The following MPPED2 variants were observed in gnomAD, a reference collection of about 807,000 sequenced individuals.
MPPED2 encodes the protein metallophosphoesterase domain containing 2, also known as metallophosphoesterase MPPED2.
In MPPED2, 5 loss-of-function variants were observed where a neutral mutation model predicts 33.0. That is an observed-to-expected ratio of 0.15 (90% CI 0.08 to 0.32). The LOEUF is 0.32. Among genes scored for constraint, MPPED2 ranks in the 10% least tolerant of loss-of-function variants. The pLI is 1.00. For missense variants in MPPED2, 275 were observed against 372.1 expected, an observed-to-expected ratio of 0.74 and a Z score of 2.15; for synonymous variants, 136 against 141.9, an observed-to-expected ratio of 0.96 and a Z score of 0.29.
At chr11:30,530,701 C>T (rs746431517) in intron 3 of MPPED2, among the ~76,000 whole-genome samples, 3 of 152,166 alleles carry the variant, frequency 2.0e-5, no homozygotes, top group African/African-American at 7.2e-5. Flanking sequence ...TGCAATCAAA[C>T]GATGAGATCT....
chr11:30,436,053 T>A (rs1287557998), intron 4 of MPPED2, among the ~76,000 whole-genome samples: 2 of 78,540 alleles, frequency 2.5e-5, no homozygotes, highest in African/African-American at 7.9e-5. Flanking sequence ...TTAGCATCTT[T>A]TTTTTTTTTT....
rs1422023984 is a variant in MPPED2, at chr11:30,386,856, G to T, written c.*2033C>A. The stretch of plus-strand genomic sequence containing the variant: ...AATAGCAATAGCAAAAGCAATAGTA[G>T]TAGTAGTAGTAATAATAATAGCCAA... On this transcript the variant is annotated 3_prime_UTR_variant, in exon 7 of 7. Coordinates refer to the MPPED2 transcript ENST00000448418. The T allele has an allele frequency of 1.5e-5, 6 of 398,336 alleles. No individual in the cohort carries two copies. The East Asian group carries it at 2.1e-4, about 14-fold the overall frequency. 24.7% of individuals were successfully genotyped at this position (398,336 alleles called of 1,614,324 possible).
chr11:30,581,795 T>C (rs988841124), intron 1 of MPPED2, among the ~76,000 whole-genome samples: 3 of 152,180 alleles, frequency 2.0e-5, no homozygotes, highest in Admixed American at 1.3e-4. Flanking sequence ...TTCTTCATAT[T>C]AGCAAAGCAA....
intron 3 of MPPED2, among the ~76,000 whole-genome samples, chr11:30,517,396 C>T (rs1392901279): frequency 6.6e-6 from 1 of 152,108 alleles, no homozygotes; most frequent in African/African-American, 2.4e-5. Context: ...ATCACAAGCA[C>T]AAAATTTTTA....
chr11:30,432,168 CA>C (rs34934978), intron 4 of MPPED2, among the ~76,000 whole-genome samples: 61,981 of 141,906 alleles, frequency 0.44, 12,696 homozygotes, highest in African/African-American at 0.46. Flanking sequence ...GATTCTGTCT[CA>C]AAAAAAAAAA....
chr11:30,548,919 A>G (rs1167141457), intron 2 of MPPED2, among the ~76,000 whole-genome samples: 1 of 152,192 alleles, frequency 6.6e-6, no homozygotes, highest in African/African-American at 2.4e-5. Context: ...ACTAAAGCCA[A>G]ATAGGAATGC....
At chr11:30,479,197 G>A (rs1230446421) in intron 4 of MPPED2, among the ~76,000 whole-genome samples, 1 of 151,996 alleles carries the variant, frequency 6.6e-6, no homozygotes, top group Non-Finnish European at 1.5e-5. Context: ...CAATCAGAGA[G>A]CTCTTTCCCA....
intron 6 of MPPED2, among the ~76,000 whole-genome samples, chr11:30,400,426 A>C (rs1947894099): frequency 6.6e-6 from 1 of 152,204 alleles, no homozygotes; most frequent in South Asian, 2.1e-4. Context: ...AAAATACCCT[A>C]AAACTGTAGG....
At chr11:30,560,138 C>A (rs1406899317) in intron 2 of MPPED2, among the ~76,000 whole-genome samples, 2 of 152,120 alleles carry the variant, frequency 1.3e-5, no homozygotes, top group Non-Finnish European at 2.9e-5. Flanking sequence ...ACCAAAATTA[C>A]TGACTTTTGA....
chr11:30,535,360 T>C (rs1954755024), intron 3 of MPPED2, among the ~76,000 whole-genome samples: 1 of 152,186 alleles, frequency 6.6e-6, no homozygotes, highest in African/African-American at 2.4e-5. Context: ...GGATCCAATA[T>C]TTTGCAGTAA....
intron 5 of MPPED2, among the ~76,000 whole-genome samples, chr11:30,416,553 T>C (rs1449645212): frequency 6.6e-6 from 1 of 152,260 alleles, no homozygotes; most frequent in Non-Finnish European, 1.5e-5. Context: ...AAAGTGTTTT[T>C]TCCCTCTCTC....
rs146925361 is a variant in MPPED2 at position 30,391,105 on chromosome 11, G to A, written c.767-2149C>T. Among the ~76,000 whole-genome samples the A allele has an allele frequency of 2.9e-3, 441 of 152,298 alleles. 2 individuals carry two copies. The highest frequency in any genetic ancestry group is 0.01 in the African/African-American group (416 of 41,568). Reference sequence around the variant, plus strand: ...ACGTACCACAACCAGGCCACAGATAGATTGCAGATCCCAGAAGTGAAGAGA... The same window carrying A: ...ACGTACCACAACCAGGCCACAGATAAATTGCAGATCCCAGAAGTGAAGAGA... On this transcript the variant is annotated intron_variant, in intron 6 of 6. Transcript: ENST00000448418.
rs369887574 is a variant in MPPED2 at position 30,472,199 on chromosome 11, A to G, written c.536+23097T>C. The stretch of plus-strand genomic sequence containing the variant: ...GGCAACATAAGATCCCATCTCTACA[A>G]AAAACTAAAAAACCAGCCAGAGGTT... On this transcript the variant is annotated intron_variant, in intron 4 of 6. Coordinates refer to ENST00000358117, the MANE Select transcript of MPPED2 (RefSeq NM_001584.3). Among the ~76,000 whole-genome samples the G allele has an allele frequency of 3.9e-5, 6 of 152,244 alleles. No individual in the cohort carries two copies. The East Asian group carries it at 7.7e-4, about 20-fold the overall frequency.
chr11:30,446,172 T>C (rs1030746347), intron 4 of MPPED2, among the ~76,000 whole-genome samples: 1 of 152,140 alleles, frequency 6.6e-6, no homozygotes, highest in South Asian at 2.1e-4. Flanking sequence ...AGGCTATGAG[T>C]TCCTTCCAGG....
intron 4 of MPPED2, among the ~76,000 whole-genome samples, chr11:30,475,012 A>G (rs1160969100): frequency 1.3e-5 from 2 of 152,202 alleles, no homozygotes; most frequent in African/African-American, 4.8e-5. Context: ...AATAGCCTTG[A>G]ATGTAAGTTA....
At chr11:30,493,523 T>C (rs1191834168) in intron 4 of MPPED2, among the ~76,000 whole-genome samples, 1 of 152,060 alleles carries the variant, frequency 6.6e-6, no homozygotes, top group Non-Finnish European at 1.5e-5. Flanking sequence ...CTTTTCTGTA[T>C]TAAGTGAGTA....
At chr11:30,535,864 A>G in intron 3 of MPPED2, 130 bp downstream of exon 3, 1 of 647,330 alleles carries the variant, frequency 1.5e-6, no homozygotes, top group Non-Finnish European at 2.5e-6. Flanking sequence ...GATTAAAGCT[A>G]GACACCACCG....
At chr11:30,457,834 A>T (rs1337425302) in intron 4 of MPPED2, among the ~76,000 whole-genome samples, 3 of 152,176 alleles carry the variant, frequency 2.0e-5, no homozygotes, top group African/African-American at 7.2e-5. Context: ...GGCCAGCCAA[A>T]CTCATACGTG....
chr11:30,493,411 T>TA (rs1224619315), intron 4 of MPPED2, among the ~76,000 whole-genome samples: 4 of 151,968 alleles, frequency 2.6e-5, no homozygotes, highest in African/African-American at 7.3e-5. Flanking sequence ...CCTTTTAACT[T>TA]ACAGAGGACA....
Sources: gnomAD v4.1 joint callset for allele counts (sites outside exome capture counted in the v4.1 genomes callset) on GRCh38, gnomAD v4.1.1 for gene constraint, MANE v1.5 for transcripts, NCBI Gene and HGNC (gene_info 2026-07-23, HGNC 2026-07-21) for gene names.